Variants in ARHGAP20 observed in about 807,000 individuals in gnomAD.
ARHGAP20 encodes Rho GTPase activating protein 20.
Under a neutral mutation model 73.7 loss-of-function variants are expected in ARHGAP20, and 34 were observed. The ratio of observed to expected loss-of-function variants is 0.46; its 90% CI spans 0.35 to 0.61. The LOEUF is 0.61. Among genes scored for constraint, ARHGAP20 ranks in the 20% least tolerant of loss-of-function variants. The pLI is 0.00. For missense variants in ARHGAP20, 1,314 were observed against 1,420.9 expected, an observed-to-expected ratio of 0.92 and a Z score of 1.21; for synonymous variants, 523 against 518.2, an observed-to-expected ratio of 1.01 and a Z score of -0.13.
At position 110,601,107 on chromosome 11, in the gene ARHGAP20, G is replaced by A. The variant is rs375657000; in HGVS notation, c.964+5454C>T. ...AGATTTTAACCCTTTGTTTCCAGGGGAGAAAACAAGACATGATTTTCCACA... is the reference window on the plus strand; with the variant it reads ...AGATTTTAACCCTTTGTTTCCAGGGAAGAAAACAAGACATGATTTTCCACA... On this transcript the variant is annotated intron_variant, in intron 9 of 14. Coordinates refer to ENST00000683387, the MANE Select transcript of ARHGAP20 (RefSeq NM_001384657.1). Among the ~76,000 whole-genome samples, 82 of 152,218 alleles carry A rather than the reference G, an allele frequency of 5.4e-4. 3 individuals carry two copies. In the South Asian group the frequency reaches 8.1e-3, roughly 15 times the overall value.
intron 2 of ARHGAP20, among the ~76,000 whole-genome samples, chr11:110,633,215 T>C (rs1284148463): frequency 1.3e-5 from 2 of 152,192 alleles, no homozygotes; most frequent in African/African-American, 4.8e-5. Context: ...CCTAGCACCA[T>C]TTACACCAAA....
chr11:110,711,895 A>C, intron 1 of ARHGAP20: 2 of 1,306,342 alleles, frequency 1.5e-6, no homozygotes, highest in African/African-American at 1.5e-5. Flanking sequence ...TCGCTCGAGG[A>C]GAGACTAAGG....
At chr11:110,659,532 T>C (rs1471208545) in intron 2 of ARHGAP20, among the ~76,000 whole-genome samples, 184 of 152,076 alleles carry the variant, frequency 1.2e-3, no homozygotes, top group African/African-American at 4.1e-3. Context: ...CTGATGGTAG[T>C]TTCTTTTGCT....
chr11:110,695,258 T>C (rs1385093783), intron 1 of ARHGAP20, among the ~76,000 whole-genome samples: 1 of 151,522 alleles, frequency 6.6e-6, no homozygotes, highest in Non-Finnish European at 1.5e-5. Flanking sequence ...ACAGGCATAA[T>C]TTTGTCATCT....
chr11:110,711,923 C>T (rs927481097), intron 1 of ARHGAP20: 4 of 1,254,254 alleles, frequency 3.2e-6, no homozygotes, highest in Non-Finnish European at 4.0e-6. Context: ...AACGGAGAAG[C>T]GGGCGCTCTG....
chr11:110,622,946 G>C (rs1337001662), intron 4 of ARHGAP20, among the ~76,000 whole-genome samples: 1 of 152,062 alleles, frequency 6.6e-6, no homozygotes, highest in Non-Finnish European at 1.5e-5. Context: ...CTTAAAAAAA[G>C]AAGTTTCATG....
rs1448017908 is a variant in ARHGAP20, at chr11:110,615,539, T to C, written c.545+14A>G. On this transcript the variant is annotated intron_variant, in intron 5 of 14. Coordinates refer to ENST00000683387, the MANE Select transcript of ARHGAP20 (RefSeq NM_001384657.1). ...AAAGGTTAAAGATTAAAAATATGAA[T>C]ACTGAAAAAATACCTCTGAAGGAGA... 3 of 1,605,500 alleles carry C rather than the reference T, an allele frequency of 1.9e-6. No homozygotes were observed. Among genetic ancestry groups the C allele is most frequent in the South Asian group, 1.1e-5 (1 of 89,232 alleles).
At chr11:110,647,502 T>C (rs1949222450) in intron 2 of ARHGAP20, among the ~76,000 whole-genome samples, 1 of 152,072 alleles carries the variant, frequency 6.6e-6, no homozygotes, top group South Asian at 2.1e-4. Flanking sequence ...ATTATGAAGG[T>C]CTCCAGTGAC....
At chr11:110,624,506 G>A (rs1948694891) in intron 3 of ARHGAP20, among the ~76,000 whole-genome samples, 195 bp from the exon 4 acceptor site, 1 of 149,232 alleles carries the variant, frequency 6.7e-6, no homozygotes, top group Non-Finnish European at 1.5e-5. Flanking sequence ...ACATACCAGG[G>A]CCTAATGAGG....
In ARHGAP20 at chr11:110,608,972, G is replaced by T; in HGVS notation, c.775+12C>A. 6.2e-7 allele frequency: 1 copy of T among 1,610,276 alleles called. No individual in the cohort carries two copies. The highest frequency in any genetic ancestry group is 8.5e-7 in the Non-Finnish European group (1 of 1,177,608). ...ACAATCAATGCTATCTTAGACTTTT[G>T]CAAAAACTTACCAATGAGTGGGTAT... is the stretch of plus-strand genomic sequence containing the variant. On this transcript the variant is annotated intron_variant, in intron 8 of 14. Coordinates refer to ENST00000683387, the MANE Select transcript of ARHGAP20 (RefSeq NM_001384657.1).
intron 11 of ARHGAP20, among the ~76,000 whole-genome samples, chr11:110,588,772 T>A (rs983760903): frequency 3.3e-5 from 5 of 151,888 alleles, no homozygotes; most frequent in African/African-American, 1.2e-4. Flanking sequence ...TAGTAAGAAA[T>A]TTTTTTTTCT....
chr11:110,640,490 C>G (rs1949055918), intron 2 of ARHGAP20, among the ~76,000 whole-genome samples: 1 of 151,966 alleles, frequency 6.6e-6, no homozygotes, highest in Non-Finnish European at 1.5e-5. Flanking sequence ...AAAAACCACT[C>G]TCAACATCAA....
At chr11:110,706,847 T>C (rs1591196908) in intron 1 of ARHGAP20, among the ~76,000 whole-genome samples, 2 of 152,152 alleles carry the variant, frequency 1.3e-5, no homozygotes, top group Non-Finnish European at 2.9e-5. Flanking sequence ...ATCTCACGTA[T>C]CTGATTTCAT....
chr11:110,707,577 T>C (rs1950572370), intron 1 of ARHGAP20, among the ~76,000 whole-genome samples: 1 of 152,070 alleles, frequency 6.6e-6, no homozygotes, highest in African/African-American at 2.4e-5. Context: ...CAATTCTGCT[T>C]GAGATTAAAA....
intron 9 of ARHGAP20, among the ~76,000 whole-genome samples, chr11:110,593,145 G>A (rs1947870786): frequency 6.6e-6 from 1 of 152,068 alleles, no homozygotes; most frequent in African/African-American, 2.4e-5. Context: ...CATCTAGTGA[G>A]TACTCACTAA....
intron 2 of ARHGAP20, among the ~76,000 whole-genome samples, chr11:110,638,418 A>G (rs1949013253): frequency 6.6e-6 from 1 of 152,120 alleles, no homozygotes; most frequent in African/African-American, 2.4e-5. Flanking sequence ...CAACCTGTAC[A>G]CTGAAGAATA....
intron 4 of ARHGAP20, among the ~76,000 whole-genome samples, chr11:110,618,073 G>A (rs575477118): frequency 7.8e-4 from 119 of 152,030 alleles, no homozygotes; most frequent in Admixed American, 2.0e-3. Flanking sequence ...TTTTTATATC[G>A]GCAAAGATAC....
intron 2 of ARHGAP20, among the ~76,000 whole-genome samples, chr11:110,657,775 C>T (rs1184381312): frequency 1.3e-5 from 2 of 151,566 alleles, no homozygotes; most frequent in Non-Finnish European, 2.9e-5. Context: ...CATGCTTGTA[C>T]TCCCAGCTAC....
At chr11:110,604,320 T>C (rs778905716) in intron 9 of ARHGAP20, among the ~76,000 whole-genome samples, 10 of 152,308 alleles carry the variant, frequency 6.6e-5, no homozygotes, top group Middle Eastern at 6.8e-3. Context: ...GGTCTATAGT[T>C]ATTCCATCCC....
Sources: allele counts gnomAD v4.1 joint callset (sites outside exome capture counted in the v4.1 genomes callset), GRCh38; gene constraint gnomAD v4.1.1; transcripts MANE v1.5; gene names NCBI Gene and HGNC (gene_info 2026-07-23, HGNC 2026-07-21).